Variants in SEMA3A observed in about 807,000 individuals in gnomAD.
SEMA3A encodes semaphorin-3A.
Under a neutral mutation model 97.9 loss-of-function variants are expected in SEMA3A, and 29 were observed. That is an observed-to-expected ratio of 0.30 (90% CI 0.22 to 0.40). SEMA3A has a LOEUF of 0.40. Ranked by LOEUF, SEMA3A falls within the 10% of genes least tolerant of loss-of-function variation. The probability of loss-of-function intolerance (pLI) is 1.00; values close to 1 mark genes in which losing one functional copy is unlikely to be tolerated. For missense variants in SEMA3A, 763 were observed against 951.3 expected, an observed-to-expected ratio of 0.80 and a Z score of 2.60; for synonymous variants, 321 against 323.7, an observed-to-expected ratio of 0.99 and a Z score of 0.09.
intron 3 of SEMA3A, among the ~76,000 whole-genome samples, chr7:84,115,650 A>G (rs1795401522): frequency 6.6e-6 from 1 of 152,070 alleles, no homozygotes; most frequent in South Asian, 2.1e-4. Flanking sequence ...CATTTGCATG[A>G]TTTGATTGTG....
chr7:84,179,660 T>G (rs73179389), intron 1 of SEMA3A, among the ~76,000 whole-genome samples: 3,520 of 152,230 alleles, frequency 0.023, 62 homozygotes, highest in Non-Finnish European at 0.037. Context: ...AATCCTATGT[T>G]TCTTTCTACT....
chr7:84,484,580 GTTT>G (rs1806528938), intron 1 of SEMA3A, among the ~76,000 whole-genome samples: 1 of 151,534 alleles, frequency 6.6e-6, no homozygotes, highest in African/African-American at 2.4e-5. Context: ...CAGAGAGCAA[GTTT>G]TTATCACATT....
At chr7:84,310,661 A>G (rs2115861840) in intron 2 of SEMA3A, among the ~76,000 whole-genome samples, 1 of 152,204 alleles carries the variant, frequency 6.6e-6, no homozygotes, top group Non-Finnish European at 1.5e-5. Flanking sequence ...CAAATAAAAC[A>G]TTATACTTTC....
At chr7:84,024,374 C>A (rs1249567433) in intron 6 of SEMA3A, among the ~76,000 whole-genome samples, 1 of 112,966 alleles carries the variant, frequency 8.9e-6, no homozygotes, top group African/African-American at 3.2e-5. Context: ...AACCTCGTCT[C>A]TACTAAAAAT....
intron 3 of SEMA3A, among the ~76,000 whole-genome samples, chr7:84,126,705 T>G (rs1795808255): frequency 6.6e-6 from 1 of 152,180 alleles, no homozygotes; most frequent in African/African-American, 2.4e-5. Flanking sequence ...GTTAATAGAT[T>G]TTTGTTTGTT....
Position 84,284,811 on chromosome 7 carries a change from C to G in SEMA3A, c.-83+22396G>C, listed in dbSNP as rs144585954. 7.2e-5 allele frequency among the ~76,000 whole-genome samples: 11 copies of G among 152,116 alleles called. No individual in the cohort carries two copies. The East Asian group carries it at 2.1e-3, about 29-fold the overall frequency. On this transcript the variant is annotated intron_variant, in intron 3 of 3. Coordinates refer to the SEMA3A transcript ENST00000424555. The stretch of plus-strand genomic sequence containing the variant: ...TATGTTCCTTTTTTTGATTGATGGA[C>G]CTATTATATTTCTGGGAATAAAAGC...
chr7:84,480,057 A>C (rs1423703553), intron 1 of SEMA3A, among the ~76,000 whole-genome samples: 2 of 152,242 alleles, frequency 1.3e-5, no homozygotes, highest in Admixed American at 6.5e-5. Context: ...CCCTTAAATG[A>C]CAACATGATT....
At chr7:84,405,147 C>A (rs1246890001) in intron 1 of SEMA3A, among the ~76,000 whole-genome samples, 1 of 152,038 alleles carries the variant, frequency 6.6e-6, no homozygotes, top group Non-Finnish European at 1.5e-5. Flanking sequence ...ACTCAGGAAA[C>A]CCATCTCAGG....
At chr7:84,312,873 TATATATATA>T in intron 2 of SEMA3A, among the ~76,000 whole-genome samples, 1 of 14,350 alleles carries the variant, frequency 7.0e-5, no homozygotes, top group African/African-American at 3.9e-4. Flanking sequence ...GGTGTTGTTT[TATATATATA>T]TATATATATA....
intron 15 of SEMA3A, among the ~76,000 whole-genome samples, chr7:83,964,379 AGCTAGATTT>A (rs1258810560): frequency 6.6e-6 from 1 of 152,220 alleles, no homozygotes; most frequent in Non-Finnish European, 1.5e-5. Context: ...CTTCAAACTC[AGCTAGATTT>A]TTAATTTAAA....
intron 4 of SEMA3A, among the ~76,000 whole-genome samples, chr7:84,087,077 T>C (rs1222475100): frequency 6.6e-6 from 1 of 152,154 alleles, no homozygotes; most frequent in African/African-American, 2.4e-5. Flanking sequence ...ATGGTACATT[T>C]GCTATTAATT....
intron 3 of SEMA3A, among the ~76,000 whole-genome samples, chr7:84,264,778 T>C (rs547288782): frequency 1.3e-5 from 2 of 152,318 alleles, no homozygotes. Flanking sequence ...CTATCTTTTC[T>C]GTGTTCTGCA....
At chr7:84,305,630 A>G (rs544651894) in intron 3 of SEMA3A, among the ~76,000 whole-genome samples, 1 of 152,116 alleles carries the variant, frequency 6.6e-6, no homozygotes, top group African/African-American at 2.4e-5. Context: ...CAATGGTGGC[A>G]ATGACAGTGA....
chr7:84,144,861 C>T (rs1455122239), intron 1 of SEMA3A, among the ~76,000 whole-genome samples: 1 of 152,144 alleles, frequency 6.6e-6, no homozygotes, highest in Non-Finnish European at 1.5e-5. Flanking sequence ...TATTACATCA[C>T]TTGCCTCCTT....
intron 4 of SEMA3A, among the ~76,000 whole-genome samples, chr7:84,109,607 T>C (rs1432191332): frequency 1.3e-5 from 2 of 152,202 alleles, no homozygotes; most frequent in Non-Finnish European, 2.9e-5. Context: ...GTTTAAGTTA[T>C]AAAGAAGTAA....
At chr7:84,103,193 C>G (rs1363285176) in intron 4 of SEMA3A, among the ~76,000 whole-genome samples, 1 of 152,076 alleles carries the variant, frequency 6.6e-6, no homozygotes, top group Non-Finnish European at 1.5e-5. Flanking sequence ...ATTTAATTCT[C>G]TCACCATTTT....
At chr7:83,994,759 C>A (rs1790133287) in intron 12 of SEMA3A, among the ~76,000 whole-genome samples, 1 of 151,498 alleles carries the variant, frequency 6.6e-6, no homozygotes, top group African/African-American at 2.4e-5. Context: ...GAGGTTACTG[C>A]TGTCTTTTTG....
At chr7:84,219,574 G>A (rs1036254209) in intron 3 of SEMA3A, among the ~76,000 whole-genome samples, 3 of 152,150 alleles carry the variant, frequency 2.0e-5, no homozygotes, top group Non-Finnish European at 4.4e-5. Context: ...ACATATAAAA[G>A]TGATGTGTCA....
At chr7:84,441,379 G>A (rs1805269781) in intron 1 of SEMA3A, among the ~76,000 whole-genome samples, 1 of 151,548 alleles carries the variant, frequency 6.6e-6, no homozygotes, top group African/African-American at 2.4e-5. Context: ...AAGAAATTCT[G>A]GAGCTTCAAA....
Sources: gnomAD v4.1 joint callset for allele counts (sites outside exome capture counted in the v4.1 genomes callset) on GRCh38, gnomAD v4.1.1 for gene constraint, MANE v1.5 for transcripts, NCBI Gene and HGNC (gene_info 2026-07-23, HGNC 2026-07-21) for gene names.